Variants in CFAP47 observed in about 807,000 individuals in gnomAD.
CFAP47 encodes the protein cilia- and flagella-associated protein 47.
A neutral mutation model predicts 148.1 loss-of-function variants in CFAP47; 29 were observed. That is an observed-to-expected ratio of 0.20 (90% CI 0.15 to 0.27). The LOEUF is 0.27. Ranked by LOEUF, CFAP47 falls within the 10% of genes least tolerant of loss-of-function variation. CFAP47 has a pLI of 1.00. For missense variants in CFAP47, 1,872 were observed against 1,697.5 expected, an observed-to-expected ratio of 1.10 and a Z score of -1.81; for synonymous variants, 664 against 577.3, an observed-to-expected ratio of 1.15 and a Z score of -2.15.
At chrX:36,192,898 G>C (rs1555986708) in intron 42 of CFAP47, among the ~76,000 whole-genome samples, 1 of 112,032 alleles carries the variant, frequency 8.9e-6, no homozygotes, top group Non-Finnish European at 1.9e-5. Context: ...TTTCAGCCTT[G>C]CCAAGTCAAG....
intron 39 of CFAP47, among the ~76,000 whole-genome samples, chrX:36,170,453 C>T (rs921960829): frequency 4.6e-5 from 5 of 109,799 alleles, no homozygotes; most frequent in South Asian, 4.0e-4. Flanking sequence ...CCTCCTCCCC[C>T]GACCCCACAA....
intron 2 of CFAP47, among the ~76,000 whole-genome samples, chrX:35,938,558 C>T (rs1382194219): frequency 9.0e-6 from 1 of 110,614 alleles, no homozygotes; most frequent in Non-Finnish European, 1.9e-5. Context: ...ATGAATGGAG[C>T]ATTTTAAACT....
intron 26 of CFAP47, among the ~76,000 whole-genome samples, chrX:36,064,458 C>T (rs761420692): frequency 2.6e-4 from 29 of 111,554 alleles, no homozygotes; most frequent in Middle Eastern, 4.7e-3. Flanking sequence ...AAATGTAGTT[C>T]CTTTCTTACT....
intron 15 of CFAP47, among the ~76,000 whole-genome samples, chrX:35,984,677 AT>A (rs1262736695): frequency 8.9e-6 from 1 of 111,825 alleles, no homozygotes; most frequent in Admixed American, 9.5e-5. Flanking sequence ...TTATAAAGAA[AT>A]TTTTGATTTC....
At chrX:36,262,029 C>G (rs1408222536) in intron 49 of CFAP47, among the ~76,000 whole-genome samples, 1 of 112,291 alleles carries the variant, frequency 8.9e-6, no homozygotes, top group African/African-American at 3.2e-5. Flanking sequence ...AGTATAGTTT[C>G]AAGTCAGGTA....
intron 33 of CFAP47, among the ~76,000 whole-genome samples, chrX:36,118,317 A>C (rs1288410534): frequency 9.0e-6 from 1 of 111,161 alleles, no homozygotes; most frequent in Non-Finnish European, 1.9e-5. Flanking sequence ...TGGAATCTGT[A>C]GTTTGCTTTG....
intron 42 of CFAP47, among the ~76,000 whole-genome samples, chrX:36,194,859 G>A (rs1369199599): frequency 5.4e-5 from 6 of 111,990 alleles, no homozygotes; most frequent in African/African-American, 1.9e-4. Flanking sequence ...TGATATTTGG[G>A]TGGAGACACA....
chrX:36,287,642 A>AAATGTTC (rs1361697494), intron 51 of CFAP47, among the ~76,000 whole-genome samples: 2 of 111,583 alleles, frequency 1.8e-5, no homozygotes, highest in Non-Finnish European at 3.8e-5. Flanking sequence ...TGTATTAATT[A>AAATGTTC]AATGTTCACA....
At chrX:35,987,839 C>T (rs1027835467) in intron 15 of CFAP47, among the ~76,000 whole-genome samples, 4 of 111,577 alleles carry the variant, frequency 3.6e-5, no homozygotes, top group African/African-American at 9.8e-5. Context: ...AGGTCCATCA[C>T]GGCTTCCCTT....
At chrX:36,083,405 G>T (rs1185800142) in intron 29 of CFAP47, among the ~76,000 whole-genome samples, 2 of 110,715 alleles carry the variant, frequency 1.8e-5, no homozygotes, top group African/African-American at 6.5e-5. Context: ...GCTTTGAGCT[G>T]CTGGCAAGCT....
chrX:36,312,539 G>C (rs1556010199), intron 56 of CFAP47, among the ~76,000 whole-genome samples: 1 of 111,400 alleles, frequency 9.0e-6, no homozygotes, highest in African/African-American at 3.3e-5. Context: ...AGCATACAAG[G>C]CGTATCAATG....
chrX:36,287,556 G>A (rs1009053422), intron 51 of CFAP47, among the ~76,000 whole-genome samples: 2 of 111,052 alleles, frequency 1.8e-5, no homozygotes, highest in Non-Finnish European at 3.8e-5. Context: ...GTAGTTTTAC[G>A]TTATAAGGCA....
chrX:35,932,302 C>T (rs1935841975), intron 2 of CFAP47, among the ~76,000 whole-genome samples: 1 of 102,218 alleles, frequency 9.8e-6, no homozygotes, highest in Non-Finnish European at 2.0e-5. Flanking sequence ...CTCTGTTGCC[C>T]AGGCTGGAGT....
rs962661712 is a variant in CFAP47 at position 36,021,603 on chromosome X, A to G, written c.3556+6691A>G. 9.9e-5 allele frequency among the ~76,000 whole-genome samples: 11 copies of G among 111,133 alleles called. 1 individual carries two copies. The highest frequency in any genetic ancestry group is 2.1e-4 in the Non-Finnish European group (11 of 53,027). On this transcript the variant is annotated intron_variant, in intron 22 of 63. Transcript: ENST00000378653. ...CCATGGTGGTTTGCTGCACCCATCA[A>G]CCCATCATCTAGGTTTTAAGCCCCA...
chrX:36,357,603 C>G (rs1445793552), intron 60 of CFAP47, among the ~76,000 whole-genome samples: 3 of 111,998 alleles, frequency 2.7e-5, no homozygotes, highest in Non-Finnish European at 5.6e-5. Context: ...AATCTATGCA[C>G]CTGTACTATT....
intron 26 of CFAP47, among the ~76,000 whole-genome samples, chrX:36,047,704 A>G (rs986223555): frequency 8.9e-5 from 10 of 111,860 alleles, no homozygotes; most frequent in Admixed American, 9.5e-5. Context: ...GTGTCAGAGT[A>G]TGTTCTCTAT....
chrX:36,305,229 G>A (rs1212869396), intron 54 of CFAP47, among the ~76,000 whole-genome samples: 4 of 111,659 alleles, frequency 3.6e-5, no homozygotes, highest in South Asian at 3.7e-4. Context: ...CTTAGAAAGC[G>A]TATATTAAAG....
rs747600516 is a variant in CFAP47 at position 36,173,469 on chromosome X, G to A, written c.6027-5876G>A. On this transcript the variant is annotated intron_variant, in intron 39 of 63. Transcript: ENST00000378653. ...TAAATTTCCCTCTACACACTGCTTT[G>A]AATGTGTCCCAGAGGTTCTGGTATG... 1.4e-3 allele frequency among the ~76,000 whole-genome samples: 151 copies of A among 111,084 alleles called. 2 individuals are homozygous for A. The highest frequency in any genetic ancestry group is 4.6e-3 in the African/African-American group (140 of 30,158).
At chrX:36,249,811 C>G (rs1940668538) in intron 48 of CFAP47, among the ~76,000 whole-genome samples, 1 of 110,382 alleles carries the variant, frequency 9.1e-6, no homozygotes, top group Admixed American at 9.7e-5. Flanking sequence ...GATTATACAC[C>G]AACATAGAAT....
Sources: allele counts gnomAD v4.1 joint callset (sites outside exome capture counted in the v4.1 genomes callset), GRCh38; gene constraint gnomAD v4.1.1; transcripts MANE v1.5; gene names NCBI Gene and HGNC (gene_info 2026-07-23, HGNC 2026-07-21).